DLGAP1: variants seen among roughly 807,000 people sequenced by gnomAD.
DLGAP1 encodes the protein disks large-associated protein 1.
Under a neutral mutation model 90.8 loss-of-function variants are expected in DLGAP1, and 11 were observed. The ratio of observed to expected loss-of-function variants is 0.12; its 90% CI spans 0.08 to 0.20. DLGAP1 has a LOEUF of 0.20. DLGAP1 is among the 10% of genes least tolerant of loss of function. DLGAP1 has a pLI of 1.00. For synonymous variants in DLGAP1, 558 were observed against 540.7 expected (o/e 1.03, Z -0.44); for missense variants, 1,050 against 1,333.8 (o/e 0.79, Z 3.31).
intron 7 of DLGAP1, among the ~76,000 whole-genome samples, chr18:3,628,251 G>A (rs1389807074): frequency 2.7e-5 from 4 of 148,234 alleles, no homozygotes; most frequent in Non-Finnish European, 3.0e-5. Context: ...GTGCAGTGGT[G>A]TGATCTTGGC....
intron 7 of DLGAP1, among the ~76,000 whole-genome samples, chr18:3,688,653 AC>A (rs754648620): frequency 0.021 from 2,979 of 140,728 alleles, 66 homozygotes; most frequent in South Asian, 0.032. Context: ...ACACACACAC[AC>A]ACACACACAC....
chr18:3,800,281 T>C (rs2066227177), intron 5 of DLGAP1, among the ~76,000 whole-genome samples: 1 of 152,246 alleles, frequency 6.6e-6, no homozygotes, highest in Non-Finnish European at 1.5e-5. Flanking sequence ...TCCTGCACTC[T>C]TGTCCAAGGC....
chr18:3,904,068 G>A (rs1278008791), intron 3 of DLGAP1, among the ~76,000 whole-genome samples: 1 of 152,224 alleles, frequency 6.6e-6, no homozygotes, highest in Admixed American at 6.5e-5. Flanking sequence ...CCCTAGTCTA[G>A]TGAGAATTTC....
intron 3 of DLGAP1, among the ~76,000 whole-genome samples, chr18:3,890,833 A>G (rs1191218803): frequency 2.6e-5 from 4 of 152,150 alleles, no homozygotes; most frequent in African/African-American, 9.7e-5. Flanking sequence ...GGCGCAAGCA[A>G]TCCTCTCATC....
chr18:4,376,216 G>A (rs1365055194), intron 1 of DLGAP1, among the ~76,000 whole-genome samples: 1 of 152,078 alleles, frequency 6.6e-6, no homozygotes, highest in African/African-American at 2.4e-5. Context: ...TAATGTCACT[G>A]GGCTCTCCTA....
chr18:3,682,155 G>A (rs1005815061), intron 7 of DLGAP1, among the ~76,000 whole-genome samples: 2 of 149,832 alleles, frequency 1.3e-5, no homozygotes, highest in African/African-American at 2.5e-5. Flanking sequence ...AATAACGAAC[G>A]AACTAACTAA....
intron 1 of DLGAP1, among the ~76,000 whole-genome samples, chr18:4,197,923 T>C (rs2077530778): frequency 6.6e-6 from 1 of 151,992 alleles, no homozygotes; most frequent in Admixed American, 6.5e-5. Context: ...GAAAAAGATG[T>C]TTAAACCTAT....
intron 1 of DLGAP1, among the ~76,000 whole-genome samples, chr18:4,320,558 G>A (rs577002299): frequency 2.1e-4 from 32 of 152,210 alleles, no homozygotes; most frequent in African/African-American, 7.0e-4. Flanking sequence ...TGTGAAACAC[G>A]GAACTGTATA....
intron 7 of DLGAP1, among the ~76,000 whole-genome samples, chr18:3,672,271 T>C (rs1220000891): frequency 6.6e-6 from 1 of 151,634 alleles, no homozygotes; most frequent in Non-Finnish European, 1.5e-5. Context: ...GGCTTCTACT[T>C]ATCTATTTCT....
intron 2 of DLGAP1, among the ~76,000 whole-genome samples, chr18:4,032,375 T>C (rs1443652939): frequency 1.3e-5 from 2 of 152,174 alleles, no homozygotes; most frequent in Non-Finnish European, 1.5e-5. Context: ...CAGTGCACCA[T>C]TAGCAAACAG....
chr18:3,934,237 T>C (rs193092808), intron 3 of DLGAP1, among the ~76,000 whole-genome samples: 2 of 152,358 alleles, frequency 1.3e-5, no homozygotes, highest in East Asian at 1.9e-4. Context: ...ATTGCAGTGA[T>C]GTGAATTTCC....
intron 1 of DLGAP1, among the ~76,000 whole-genome samples, chr18:4,399,465 A>G (rs901213635): frequency 1.3e-5 from 2 of 152,246 alleles, no homozygotes; most frequent in African/African-American, 4.8e-5. Context: ...ACTGAGCGTC[A>G]GAACGCTTAT....
chr18:3,714,263 C>T (rs570156632), intron 7 of DLGAP1, among the ~76,000 whole-genome samples: 1 of 152,296 alleles, frequency 6.6e-6, no homozygotes, highest in South Asian at 2.1e-4. Context: ...GGGTTTTCTG[C>T]TATGCAGCTG....
chr18:3,546,600 T>C (rs2053037049), intron 9 of DLGAP1, among the ~76,000 whole-genome samples: 1 of 151,884 alleles, frequency 6.6e-6, no homozygotes, highest in Non-Finnish European at 1.5e-5. Flanking sequence ...TGGAAAATCC[T>C]CAAATTTTTG....
At chr18:3,611,600 A>T (rs2057631670) in intron 7 of DLGAP1, among the ~76,000 whole-genome samples, 1 of 152,176 alleles carries the variant, frequency 6.6e-6, no homozygotes, top group East Asian at 1.9e-4. Flanking sequence ...ATTACATAGC[A>T]GGACCCGCTG....
intron 1 of DLGAP1, among the ~76,000 whole-genome samples, chr18:4,345,149 C>T (rs1873511485): frequency 6.6e-6 from 1 of 152,152 alleles, no homozygotes; most frequent in South Asian, 2.1e-4. Flanking sequence ...CATCCCTTAG[C>T]TTCTGCTCTC....
At chr18:4,004,699 T>C (rs2074265229) in intron 3 of DLGAP1, among the ~76,000 whole-genome samples, 1 of 152,156 alleles carries the variant, frequency 6.6e-6, no homozygotes, top group African/African-American at 2.4e-5. Context: ...CCAAATAACG[T>C]ATGTGAAACC....
At chr18:3,747,476 A>G (rs2063319633) in intron 5 of DLGAP1, among the ~76,000 whole-genome samples, 1 of 152,222 alleles carries the variant, frequency 6.6e-6, no homozygotes, top group East Asian at 1.9e-4. Flanking sequence ...GAACTTGCGC[A>G]TTAGATGACA....
intron 3 of DLGAP1, among the ~76,000 whole-genome samples, chr18:3,900,933 T>C (rs1260148435): frequency 6.6e-6 from 1 of 152,116 alleles, no homozygotes; most frequent in African/African-American, 2.4e-5. Flanking sequence ...TTATTTTCCG[T>C]CCTCCAGGAT....
Sources: allele counts gnomAD v4.1 joint callset (sites outside exome capture counted in the v4.1 genomes callset), GRCh38; gene constraint gnomAD v4.1.1; transcripts MANE v1.5; gene names NCBI Gene and HGNC (gene_info 2026-07-23, HGNC 2026-07-21).